Variants in KLF8 observed in about 807,000 individuals in gnomAD.
The protein encoded by KLF8 is Krueppel-like factor 8.
Under a neutral mutation model 18.2 loss-of-function variants are expected in KLF8, and 10 were observed. The ratio of observed to expected loss-of-function variants is 0.55; its 90% CI spans 0.34 to 0.93. KLF8 has a LOEUF of 0.93. Ranked by LOEUF, KLF8 falls within the 40% of genes least tolerant of loss-of-function variation. KLF8 has a pLI of 0.02. For synonymous variants in KLF8, 109 were observed against 97.3 expected, an observed-to-expected ratio of 1.12 and a Z score of -0.71; for missense variants, 264 against 277.9, an observed-to-expected ratio of 0.95 and a Z score of 0.36.
At chrX:56,132,296 C>T in the KLF8 span, among the ~76,000 whole-genome samples, 1 of 111,240 alleles carries the variant, frequency 9.0e-6, no homozygotes, top group Non-Finnish European at 1.9e-5. Flanking sequence ...CTCTCTTAGA[C>T]CACAGTGGAA....
At chrX:56,240,180 T>TG (rs770614319) in intron 1 of KLF8, among the ~76,000 whole-genome samples, 20 of 112,371 alleles carry the variant, frequency 1.8e-4, no homozygotes, top group Non-Finnish European at 3.0e-4. Flanking sequence ...CTAGAATAGA[T>TG]GTGTAGCGTT....
At chrX:56,066,941 A>G in the KLF8 span, among the ~76,000 whole-genome samples, 3 of 110,025 alleles carry the variant, frequency 2.7e-5, no homozygotes, top group Admixed American at 9.6e-5. Context: ...ATTGCAGAAG[A>G]TCATGCTGGG....
chrX:56,086,810 G>A, the KLF8 span, among the ~76,000 whole-genome samples: 1 of 111,013 alleles, frequency 9.0e-6, no homozygotes, highest in Admixed American at 9.6e-5. Flanking sequence ...AATTAGCAAT[G>A]GTTTAATGTT....
chrX:56,044,185 A>C, the KLF8 span, among the ~76,000 whole-genome samples: 70 of 105,270 alleles, frequency 6.6e-4, no homozygotes, highest in African/African-American at 2.3e-3. Context: ...TTCTTTTGGA[A>C]GCTTCATCCC....
At chrX:55,937,955 C>A in the KLF8 span, among the ~76,000 whole-genome samples, 1 of 111,876 alleles carries the variant, frequency 8.9e-6, no homozygotes, top group African/African-American at 3.2e-5. Flanking sequence ...ACTGTGCAGG[C>A]TATTATTGAG....
chrX:56,062,509 G>A, the KLF8 span, among the ~76,000 whole-genome samples: 409 of 111,779 alleles, frequency 3.7e-3, 2 homozygotes, highest in African/African-American at 0.013. Flanking sequence ...TTAAATATTG[G>A]CCTCCACTCT....
chrX:56,031,043 C>T, the KLF8 span, among the ~76,000 whole-genome samples: 4 of 110,797 alleles, frequency 3.6e-5, no homozygotes, highest in South Asian at 1.6e-3. Context: ...GCCAACCTAC[C>T]TCTAATTCTG....
chrX:56,189,084 G>T, the KLF8 span, among the ~76,000 whole-genome samples: 1 of 111,244 alleles, frequency 9.0e-6, no homozygotes, highest in Non-Finnish European at 1.9e-5. Flanking sequence ...TGAACAGGCA[G>T]CATACAAAAT....
chrX:56,264,505 T>A (rs1028852622), intron 2 of KLF8, among the ~76,000 whole-genome samples: 9 of 110,798 alleles, frequency 8.1e-5, no homozygotes, highest in African/African-American at 1.6e-4. Context: ...TAGTTTTTTT[T>A]AAAAATCCCA....
chrX:56,177,440 G>C, the KLF8 span, among the ~76,000 whole-genome samples: 1 of 111,029 alleles, frequency 9.0e-6, no homozygotes, highest in Admixed American at 9.6e-5. Context: ...AGCAAATGTT[G>C]TTGCCTGATC....
the KLF8 span, among the ~76,000 whole-genome samples, chrX:56,100,987 A>G: frequency 9.0e-6 from 1 of 111,634 alleles, no homozygotes; most frequent in Admixed American, 9.5e-5. Flanking sequence ...GTTATTTTAC[A>G]TTCAGGGGGT....
chrX:56,255,490 G>C (rs1321593202), intron 2 of KLF8, among the ~76,000 whole-genome samples: 2 of 112,364 alleles, frequency 1.8e-5, no homozygotes, highest in Non-Finnish European at 3.8e-5. Flanking sequence ...ACATGTGCCA[G>C]GTCTTAGAGG....
the KLF8 span, among the ~76,000 whole-genome samples, chrX:56,032,636 A>G: frequency 8.0e-5 from 9 of 112,301 alleles, no homozygotes; most frequent in Non-Finnish European, 1.7e-4. Flanking sequence ...CTCAAGATTC[A>G]TCTGTGTTGT....
the KLF8 span, among the ~76,000 whole-genome samples, chrX:56,172,793 C>T: frequency 1.1e-4 from 12 of 111,828 alleles, no homozygotes; most frequent in Non-Finnish European, 2.1e-4. Context: ...TTCATAATCG[C>T]CATTGTAACT....
the KLF8 span, among the ~76,000 whole-genome samples, chrX:56,049,501 T>C: frequency 2.8e-5 from 3 of 109,006 alleles, no homozygotes; most frequent in East Asian, 5.7e-4. Context: ...TGTCAAAGGC[T>C]TTTTCTGCAT....
the KLF8 span, among the ~76,000 whole-genome samples, chrX:56,110,055 G>A: frequency 1.3e-4 from 15 of 111,171 alleles, no homozygotes; most frequent in East Asian, 1.1e-3. Flanking sequence ...CTGTTTCTGC[G>A]TGAGTTTGCT....
intron 5 of KLF8, among the ~76,000 whole-genome samples, chrX:56,274,150 G>T (rs2067092089): frequency 9.0e-6 from 1 of 111,471 alleles, no homozygotes. Flanking sequence ...AGTATATGAG[G>T]GTTCCTTTTT....
chrX:55,977,257 G>C, the KLF8 span, among the ~76,000 whole-genome samples: 24 of 111,625 alleles, frequency 2.2e-4, no homozygotes, highest in Admixed American at 1.9e-3. Context: ...TTGTGGGCTT[G>C]CTATATATGC....
chrX:56,102,285 A>G, the KLF8 span, among the ~76,000 whole-genome samples: 1 of 110,525 alleles, frequency 9.0e-6, no homozygotes, highest in South Asian at 3.8e-4. Flanking sequence ...TTTCTATAGG[A>G]TCTCTATTCT....
Sources: gnomAD v4.1 joint callset for allele counts (sites outside exome capture counted in the v4.1 genomes callset) on GRCh38, gnomAD v4.1.1 for gene constraint, MANE v1.5 for transcripts, NCBI Gene and HGNC (gene_info 2026-07-23, HGNC 2026-07-21) for gene names.